PRF1: variants seen among roughly 807,000 people sequenced by gnomAD.
PRF1 encodes perforin 1.
PRF1 carries 11 observed loss-of-function variants against 11.7 expected under a neutral mutation model. That is an observed-to-expected ratio of 0.94 (90% confidence interval 0.59 to 1.56). PRF1 has a LOEUF of 1.56. Among genes scored for constraint, PRF1 ranks in the 40% most tolerant of loss-of-function variants. The pLI, the probability that PRF1 is intolerant of heterozygous loss-of-function variation, is 0.00. For synonymous variants in PRF1, 314 were observed against 327.8 expected (o/e 0.96, Z 0.45); for missense variants, 729 against 751.0 (o/e 0.97, Z 0.34).
intron 1 of PRF1, 104 bp from the exon 2 acceptor site, chr10:70,601,036 TCATTATTCAATGAATGTCAGAGCTGG>T: frequency 2.8e-6 from 4 of 1,434,970 alleles, no homozygotes; most frequent in Non-Finnish European, 2.8e-6. Context: ...ATCTCTTAAG[TCATTATTCAATGAATGTCAGAGCTGG>T]TATGTCCCTT....
At position 70,600,795 on chromosome 10, in the gene PRF1, C is replaced by G; in HGVS notation, c.108G>C (p.Lys36Asn). The change falls in exon 2 of 3, where the codon AAG becomes AAC. Residue 36 changes from lysine (K) to asparagine (N), a missense_variant. By Grantham distance (94) the Lys-to-Asn change is moderately conservative. Coordinates refer to ENST00000441259, the MANE Select transcript of PRF1 (RefSeq NM_001083116.3). This position sits in a 1 kb window ranked among gnomAD's most constrained non-coding sequence, Gnocchi z 4.9. Reference sequence around the variant, plus strand: ...CGGCCAGCCATGCACCAGGCACGAACTTGTGGCTGCGCTTGCACTCTGAGC... The same window carrying G: ...CGGCCAGCCATGCACCAGGCACGAAGTTGTGGCTGCGCTTGCACTCTGAGC... ...AARSECKRSH[K>N]FVPGAWLAGE... is the part of the protein sequence containing the mutation. 1 of 1,610,950 alleles carries G rather than the reference C, an allele frequency of 6.2e-7. No homozygotes were observed. Among genetic ancestry groups the G allele is most frequent in the Non-Finnish European group, 8.5e-7 (1 of 1,177,940 alleles).
At chr10:70,601,470 A>G (rs1477448282) in intron 1 of PRF1, among the ~76,000 whole-genome samples, 1 of 152,002 alleles carries the variant, frequency 6.6e-6, no homozygotes, top group East Asian at 1.9e-4. Flanking sequence ...TATTCTTCTC[A>G]TTTTCCCTTT....
intron 1 of PRF1, among the ~76,000 whole-genome samples, chr10:70,601,898 T>C (rs1848237379): frequency 6.6e-6 from 1 of 151,282 alleles, no homozygotes; most frequent in Non-Finnish European, 1.5e-5. Flanking sequence ...GCCTCGATGG[T>C]TGCTCTTCAG....
rs1271627075 is a variant in PRF1 at position 70,597,832 on chromosome 10, AG to A, written c.*220del. 1 of 618,014 alleles carries A rather than the reference AG, an allele frequency of 1.6e-6. No individual in the cohort carries two copies. The highest frequency in any genetic ancestry group is 2.8e-6 in the Non-Finnish European group (1 of 355,360). 38.3% of individuals were successfully genotyped at this position (618,014 alleles called of 1,614,324 possible). Reference sequence around the variant, plus strand: ...TGTAAAATCCACTAGCACTAACGATAGCCGATGAGCTAAAAAAAAAAAAAAA... The same window carrying A: ...TGTAAAATCCACTAGCACTAACGATACCGATGAGCTAAAAAAAAAAAAAAA... On this transcript the variant is annotated 3_prime_UTR_variant, in exon 3 of 3. Coordinates refer to ENST00000441259, the MANE Select transcript of PRF1 (RefSeq NM_001083116.3).
In PRF1 at chr10:70,598,886, A is replaced by C. The variant is rs992040149; in HGVS notation, c.835T>G (p.Cys279Gly). 1 of 1,614,078 alleles carries C rather than the reference A, an allele frequency of 6.2e-7. No homozygotes were observed. The highest frequency in any genetic ancestry group is 1.3e-5 in the African/African-American group (1 of 74,928). ...HGSISAEAKA[C>G]EEKKKKHKMT... ...TTGTGCTTCTTCTTCTTCTCCTCAC[A>C]GGCCTTGGCTTCGGCAGAGATGCTG... is the stretch of plus-strand genomic sequence containing the variant. Residue 279 changes from cysteine (C) to glycine (G), a missense_variant, in exon 3 of 3, where the codon TGT (cysteine) becomes GGT (glycine). Physicochemically the swap from Cys to Gly is radical, Grantham distance 159. Transcript: ENST00000441259.
chr10:70,597,742 C>G lies in PRF1; in HGVS notation c.*311G>C. The G allele has an allele frequency of 1.7e-6, 1 of 601,338 alleles. No individual in the cohort carries two copies. The highest frequency in any genetic ancestry group is 2.9e-6 in the Non-Finnish European group (1 of 339,886). 37.3% of individuals were successfully genotyped at this position (601,338 alleles called of 1,614,324 possible). A position where few individuals can be genotyped will look rare whatever the true frequency, so the allele number is the denominator to read the frequency against. ...GTCTGAATCTCCCTTTTCCATCTGT[C>G]TGATGCGTATCCAATCTTTTGGCTT... On this transcript the variant is annotated 3_prime_UTR_variant, in exon 3 of 3. Coordinates refer to ENST00000441259, the MANE Select transcript of PRF1 (RefSeq NM_001083116.3).
chr10:70,598,571 C>T lies in PRF1; in HGVS notation c.1150G>A (p.Gly384Arg). The T allele has an allele frequency of 6.2e-7, 1 of 1,612,826 alleles. No individual in the cohort carries two copies. The highest frequency in any genetic ancestry group is 8.5e-7 in the Non-Finnish European group (1 of 1,179,816). ...GGGTCTCGGGGGCTCTTCTGCCGCC[C>T]TGGTGGGCACGGCCGGCTGCAGTCC... Reference protein sequence around the residue: ...WRDCSRPCPPGRQKSPRDPCQ... With the variant: ...WRDCSRPCPPRRQKSPRDPCQ... The change falls in exon 3 of 3, where the codon GGG becomes AGG. Residue 384 changes from glycine (G) to arginine (R), a missense_variant. Transcript: ENST00000441259.
chr10:70,597,873 C>G lies in PRF1; in HGVS notation c.*180G>C. ...AAAAAAAAAAAATAGCAAAAAGAAA[C>G]TCATAATGTTTTAAGAAAGTTTGCG... On this transcript the variant is annotated 3_prime_UTR_variant, in exon 3 of 3. Transcript: ENST00000441259. 1.4e-6 allele frequency: 1 copy of G among 705,848 alleles called. No individual in the cohort carries two copies. Among genetic ancestry groups the G allele is most frequent in the Non-Finnish European group, 2.4e-6 (1 of 425,228 alleles). 43.7% of individuals were successfully genotyped at this position (705,848 alleles called of 1,614,324 possible). A position where few individuals can be genotyped will look rare whatever the true frequency, so the allele number is the denominator to read the frequency against.
At chr10:70,601,098 G>A (rs1848224375) in intron 1 of PRF1, among the ~76,000 whole-genome samples, 166 bp from the exon 2 acceptor site, 1 of 152,186 alleles carries the variant, frequency 6.6e-6, no homozygotes, top group South Asian at 2.1e-4. Flanking sequence ...CCCCCACATT[G>A]TACAGATGGG....
In PRF1 at chr10:70,600,092, C is replaced by A. The variant is rs1163315319; in HGVS notation, c.539+272G>T. On this transcript the variant is annotated intron_variant, in intron 2 of 2. Coordinates refer to ENST00000441259, the MANE Select transcript of PRF1 (RefSeq NM_001083116.3). This position sits in a 1 kb window ranked among gnomAD's most constrained non-coding sequence, Gnocchi z 4.9. ...AAGGCAGGGTTCAGTACTCACTAGA[C>A]CTAAATGGCACCCTGCTGGGACTCT... Among the ~76,000 whole-genome samples, 1 of 152,196 alleles carries A rather than the reference C, an allele frequency of 6.6e-6. No individual in the cohort carries two copies. Among genetic ancestry groups the A allele is most frequent in the East Asian group, 1.9e-4 (1 of 5,198 alleles).
At chr10:70,601,840 A>AAAAAAAAAAATGATAAAGAAAAAAAAG in intron 1 of PRF1, among the ~76,000 whole-genome samples, 1 of 97,760 alleles carries the variant, frequency 1.0e-5, no homozygotes, top group South Asian at 3.6e-4. Context: ...AAAAAAAAAA[A>AAAAAAAAAAATGATAAAGAAAAAAAAG]AAAAAGGGGC....
At chr10:70,599,865 G>T (rs1329806566) in intron 2 of PRF1, among the ~76,000 whole-genome samples, 1 of 152,238 alleles carries the variant, frequency 6.6e-6, no homozygotes, top group Non-Finnish European at 1.5e-5. Context: ...CCTACTCCCA[G>T]GGGCTAGGGT....
At chr10:70,599,829 A>G (rs1848192617) in intron 2 of PRF1, among the ~76,000 whole-genome samples, 1 of 152,192 alleles carries the variant, frequency 6.6e-6, no homozygotes. Context: ...TGCCTTTCTC[A>G]GACGTGGAAT....
Position 70,598,041 on chromosome 10 carries a change from A to T in PRF1, c.*12T>A. On this transcript the variant is annotated 3_prime_UTR_variant, in exon 3 of 3. Transcript: ENST00000441259. ...AGTCCAAGCATACTGGTCCTTTCCA[A>T]GCTCACTGTTCTCACCACACGGCCC... 1 of 1,612,196 alleles carries T rather than the reference A, an allele frequency of 6.2e-7. No homozygotes were observed. Among genetic ancestry groups the T allele is most frequent in the Non-Finnish European group, 8.5e-7 (1 of 1,179,988 alleles).
rs1451114438 is a variant in PRF1 at position 70,598,433 on chromosome 10, C to A, written c.1288G>T (p.Asp430Tyr). Residue 430 changes from aspartate (D) to tyrosine (Y), a missense_variant, in exon 3 of 3, where the codon GAC becomes TAC. Coordinates refer to ENST00000441259, the MANE Select transcript of PRF1 (RefSeq NM_001083116.3). The part of the protein sequence containing the change: ...TFIQAWGLWG[D>Y]WFTATDAYVK... ...TAGGCATCCGTGGCAGTGAACCAGTCCCCCCACAGGCCCCATGCTTGGATG... is the reference window on the plus strand; with the variant it reads ...TAGGCATCCGTGGCAGTGAACCAGTACCCCCACAGGCCCCATGCTTGGATG... 4.3e-6 allele frequency: 7 copies of A among 1,613,736 alleles called. No individual in the cohort carries two copies. The highest frequency in any genetic ancestry group is 2.2e-5 in the South Asian group (2 of 91,088).
chr10:70,597,959 A>C lies in PRF1; in HGVS notation c.*94T>G. 1 of 1,534,122 alleles carries C rather than the reference A, an allele frequency of 6.5e-7. No homozygotes were observed. The highest frequency in any genetic ancestry group is 8.9e-7 in the Non-Finnish European group (1 of 1,128,272). ...CCGCATGCGGGCCTCGGGTTGGACA[A>C]GCTTGGTCTAATGGGAATACGAAGA... is the stretch of plus-strand genomic sequence containing the variant. On this transcript the variant is annotated 3_prime_UTR_variant, in exon 3 of 3. Transcript: ENST00000441259.
In PRF1 at chr10:70,598,199, C is replaced by G. The variant is rs932217839; in HGVS notation, c.1522G>C (p.Val508Leu). 1.9e-6 allele frequency: 3 copies of G among 1,614,218 alleles called. No homozygotes were observed. In the African/African-American group the frequency reaches 4.0e-5, roughly 22 times the overall value. Reference sequence around the variant, plus strand: ...TGGCCATGATTCAGGTTGCATCTCACCTCATGGGAACCAGACTTGGGAGCC... The same window carrying G: ...TGGCCATGATTCAGGTTGCATCTCAGCTCATGGGAACCAGACTTGGGAGCC... ...DQAPKSGSHE[V>L]RCNLNHGHLK... The change falls in exon 3 of 3, where the codon GTG becomes CTG. Residue 508 changes from valine to leucine, a missense_variant. Physicochemically the swap from Val to Leu is conservative, Grantham distance 32. Transcript: ENST00000441259.
rs752523306 is a variant in PRF1 at position 70,599,138 on chromosome 10, T to G, written c.583A>C (p.Arg195=). ...HTPPLHPDFK[R]ALGDLPHHFN... is the part of the protein sequence containing the mutation. ...TGGTGGGGCAGGTCCCCGAGGGCCC[T>G]CTTGAAGTCAGGGTGCAGCGGGGGA... The change falls in exon 3 of 3, where the codon AGG becomes CGG. Residue 195 remains arginine, a synonymous_variant. Transcript: ENST00000441259. 1 of 1,614,162 alleles carries G rather than the reference T, an allele frequency of 6.2e-7. No homozygotes were observed. Among genetic ancestry groups the G allele is most frequent in the Non-Finnish European group, 8.5e-7 (1 of 1,180,010 alleles).
At position 70,600,287 on chromosome 10, in the gene PRF1, T is replaced by C; in HGVS notation, c.539+77A>G. 1 of 1,584,478 alleles carries C rather than the reference T, an allele frequency of 6.3e-7. No homozygotes were observed. Among genetic ancestry groups the C allele is most frequent in the Non-Finnish European group, 8.6e-7 (1 of 1,168,328 alleles). The stretch of plus-strand genomic sequence containing the variant: ...GCCTCCAAGTTTGATTGGAGGACTC[T>C]GCCTTTCCAGGGCTCCTAGACCACC... On this transcript the variant is annotated intron_variant, in intron 2 of 2. Coordinates refer to ENST00000441259, the MANE Select transcript of PRF1 (RefSeq NM_001083116.3). The surrounding 1 kb of genome is among the most constrained non-coding windows in gnomAD (Gnocchi z 4.9).
Sources: gnomAD v4.1 joint callset for allele counts (sites outside exome capture counted in the v4.1 genomes callset) on GRCh38, gnomAD v4.1.1 for gene constraint, Gnocchi (gnomAD v3.1) non-coding constraint, MANE v1.5 for transcripts, NCBI Gene and HGNC (gene_info 2026-07-23, HGNC 2026-07-21) for gene names.